The following MRPL22 variants were observed in gnomAD, a reference collection of about 807,000 sequenced individuals.
MRPL22 encodes large ribosomal subunit protein uL22m.
Under a neutral mutation model 32.4 loss-of-function variants are expected in MRPL22, and 27 were observed. The observed-to-expected ratio is 0.83, with a 90% CI of 0.61 to 1.15. The LOEUF (loss-of-function observed/expected upper bound fraction) is 1.15, where lower values mean the gene tolerates loss of function less well. MRPL22 is among the 50% of genes most tolerant of loss of function. MRPL22 has a pLI of 0.00. For missense variants in MRPL22, 239 were observed against 260.2 expected (o/e 0.92, Z 0.56); for synonymous variants, 86 against 87.3 (o/e 0.99, Z 0.08).
intron 2 of MRPL22, among the ~76,000 whole-genome samples, chr5:154,943,613 CAT>C (rs1025147422): frequency 2.7e-5 from 4 of 150,626 alleles, no homozygotes; most frequent in Non-Finnish European, 5.9e-5. Flanking sequence ...CATATATACA[CAT>C]ATATATACAT....
rs765189524 is a variant in MRPL22, at chr5:154,941,103, G to A, written c.-8G>A. Reference sequence around the variant, plus strand: ...AACTCGGCGGCTTCCGTAGCGGGAGGGCGAAAGATGGCGGCGGCAGTACTG... The same window carrying A: ...AACTCGGCGGCTTCCGTAGCGGGAGAGCGAAAGATGGCGGCGGCAGTACTG... On this transcript the variant is annotated 5_prime_UTR_variant, in exon 1 of 7. Coordinates refer to ENST00000523037, the MANE Select transcript of MRPL22 (RefSeq NM_014180.4). 6.2e-6 allele frequency: 10 copies of A among 1,613,726 alleles called. No individual in the cohort carries two copies. Among genetic ancestry groups the A allele is most frequent in the South Asian group, 4.4e-5 (4 of 91,058 alleles).
At chr5:154,953,375 A>G (rs1168546185) in intron 3 of MRPL22, among the ~76,000 whole-genome samples, 3 of 147,666 alleles carry the variant, frequency 2.0e-5, no homozygotes, top group Non-Finnish European at 4.4e-5. Flanking sequence ...AAAAAAAAAA[A>G]AAAAAAAAAA....
At chr5:154,957,709 A>C (rs186849991) in intron 5 of MRPL22, among the ~76,000 whole-genome samples, 2 of 151,854 alleles carry the variant, frequency 1.3e-5, no homozygotes, top group Admixed American at 6.6e-5. Context: ...CCTTTCTCTG[A>C]TCTTTTTCTT....
rs185974273 is a variant in MRPL22, at chr5:154,957,014, T to C, written c.262-121T>C. ...CTCTCAAACTTGTTTTCTTCTCTTT[T>C]ATTTGGGTTCAATTCACTGTTTTTA... On this transcript the variant is annotated intron_variant, in intron 4 of 6. Coordinates refer to ENST00000523037, the MANE Select transcript of MRPL22 (RefSeq NM_014180.4). 3.2e-4 allele frequency: 280 copies of C among 862,566 alleles called. 1 individual carries two copies. In the African/African-American group the frequency reaches 4.4e-3, roughly 14 times the overall value. 53.4% of individuals were successfully genotyped at this position (862,566 alleles called of 1,614,324 possible).
intron 6 of MRPL22, among the ~76,000 whole-genome samples, chr5:154,961,526 A>G (rs186787902): frequency 6.6e-6 from 1 of 152,346 alleles, no homozygotes; most frequent in Admixed American, 6.5e-5. Context: ...TTTGTCTTTA[A>G]GCCTTTTTCA....
chr5:154,966,278 T>A (rs959571911), intron 6 of MRPL22, among the ~76,000 whole-genome samples: 2 of 152,232 alleles, frequency 1.3e-5, no homozygotes, highest in African/African-American at 4.8e-5. Flanking sequence ...AATAGATGAT[T>A]CATTCTGCTC....
Position 154,966,848 on chromosome 5 carries a change from A to AAG in MRPL22, c.575_576dup (p.Tyr193SerfsTer38). On this transcript the variant is annotated frameshift_variant, in exon 7 of 7. Coordinates refer to ENST00000523037, the MANE Select transcript of MRPL22 (RefSeq NM_014180.4). LOFTEE classifies it high-confidence loss of function. ...CCAAAGACGGCAGTTGCCCATGCCAAAGAGTATATTCAGCAGCTTCGCAGC... is the reference window on the plus strand; with the variant it reads ...CCAAAGACGGCAGTTGCCCATGCCAAAGAGAGTATATTCAGCAGCTTCGCAGC... 1 of 1,614,118 alleles carries AAG rather than the reference A, an allele frequency of 6.2e-7. No homozygotes were observed.
rs560593658 is a variant in MRPL22, at chr5:154,941,416, A to AT, written c.77+157dup. The AT allele has an allele frequency of 1.7e-3, 1,632 of 986,176 alleles. 19 individuals are homozygous for AT. The African/African-American group carries it at 0.024, about 14-fold the overall frequency. 61.1% of individuals were successfully genotyped at this position (986,176 alleles called of 1,614,324 possible). On this transcript the variant is annotated intron_variant, in intron 2 of 6. Transcript: ENST00000523037. ...GCCCGAGTCTCTGCTTTGTCACTCT[A>AT]TTTTTTCTCCACCTTATTGCATAAA... is the stretch of plus-strand genomic sequence containing the variant.
chr5:154,959,854 T>C, intron 5 of MRPL22, 126 bp from the exon 6 acceptor site: 1 of 657,506 alleles, frequency 1.5e-6, no homozygotes, highest in Non-Finnish European at 2.6e-6. Context: ...TGATATTGTC[T>C]TTTTAAAATT....
intron 2 of MRPL22, among the ~76,000 whole-genome samples, chr5:154,950,212 A>C (rs1364535636): frequency 6.6e-6 from 1 of 152,146 alleles, no homozygotes; most frequent in Non-Finnish European, 1.5e-5. Context: ...CTCCCTCACT[A>C]TCACGAGAAC....
intron 5 of MRPL22, among the ~76,000 whole-genome samples, chr5:154,958,670 G>A (rs1195391104): frequency 6.7e-6 from 1 of 148,890 alleles, no homozygotes; most frequent in Non-Finnish European, 1.5e-5. Flanking sequence ...TCAGCCTACC[G>A]AGTAGCTGGG....
chr5:154,953,214 G>A (rs1056930596), intron 3 of MRPL22, among the ~76,000 whole-genome samples: 1 of 151,768 alleles, frequency 6.6e-6, no homozygotes, highest in Non-Finnish European at 1.5e-5. Context: ...AAATTAGCCG[G>A]GTGTGGTGGT....
At chr5:154,964,436 A>G (rs1764741517) in intron 6 of MRPL22, among the ~76,000 whole-genome samples, 1 of 152,170 alleles carries the variant, frequency 6.6e-6, no homozygotes, top group Non-Finnish European at 1.5e-5. Flanking sequence ...ACCCCTAAAT[A>G]TGGACTTAGT....
At chr5:154,952,749 A>G (rs1276768770) in intron 3 of MRPL22, among the ~76,000 whole-genome samples, 4 of 152,188 alleles carry the variant, frequency 2.6e-5, no homozygotes, top group Non-Finnish European at 5.9e-5. Flanking sequence ...ATAATATACA[A>G]TGTCCCTTAG....
intron 2 of MRPL22, among the ~76,000 whole-genome samples, 170 bp from the exon 3 acceptor site, chr5:154,950,647 CTCTT>C (rs1764546931): frequency 6.6e-6 from 1 of 152,180 alleles, no homozygotes; most frequent in African/African-American, 2.4e-5. Flanking sequence ...AATAAACTGT[CTCTT>C]TGTTGTGTTT....
In MRPL22 at chr5:154,966,846, C is replaced by T; in HGVS notation, c.570C>T (p.Ala190=). The stretch of plus-strand genomic sequence containing the variant: ...CACCAAAGACGGCAGTTGCCCATGC[C>T]AAAGAGTATATTCAGCAGCTTCGCA... ...PEPPKTAVAH[A]KEYIQQLRSR... The change falls in exon 7 of 7, where the codon GCC becomes GCT. Residue 190 remains alanine (A), a synonymous_variant. Transcript: ENST00000523037. The T allele has an allele frequency of 6.2e-7, 1 of 1,614,084 alleles. No individual in the cohort carries two copies. Among genetic ancestry groups the T allele is most frequent in the Non-Finnish European group, 8.5e-7 (1 of 1,180,008 alleles).
intron 2 of MRPL22, among the ~76,000 whole-genome samples, chr5:154,941,744 C>T (rs537235967): frequency 1.3e-5 from 2 of 152,280 alleles, no homozygotes; most frequent in East Asian, 3.9e-4. Context: ...AGTCCCCAAA[C>T]GTAAAATAAC....
intron 4 of MRPL22, chr5:154,956,917 T>C (rs965915819): frequency 2.0e-6 from 1 of 502,888 alleles, no homozygotes; most frequent in South Asian, 2.8e-5. Context: ...TTTAATGTTA[T>C]TGAAACTATT....
chr5:154,946,726 C>A (rs1764496746), intron 2 of MRPL22, among the ~76,000 whole-genome samples: 1 of 152,180 alleles, frequency 6.6e-6, no homozygotes, highest in African/African-American at 2.4e-5. Flanking sequence ...GAGGCTGAGG[C>A]AGGAGAATCG....
Sources: gnomAD v4.1 joint callset for allele counts (sites outside exome capture counted in the v4.1 genomes callset) on GRCh38, gnomAD v4.1.1 for gene constraint, MANE v1.5 for transcripts, NCBI Gene and HGNC (gene_info 2026-07-23, HGNC 2026-07-21) for gene names.